Variants in SMAD6 observed in about 807,000 individuals in gnomAD.
SMAD6 encodes MAD homolog 6.
Under a neutral mutation model 39.4 loss-of-function variants are expected in SMAD6, and 103 were observed. The ratio of observed to expected loss-of-function variants is 2.62; its 90% CI spans 2.23 to 3.08. The LOEUF (loss-of-function observed/expected upper bound fraction) is 3.08, where lower values mean the gene tolerates loss of function less well. Ranked by LOEUF, SMAD6 falls within the 30% of genes most tolerant of loss-of-function variation. The probability of loss-of-function intolerance (pLI) is 0.00; values close to 1 mark genes in which losing one functional copy is unlikely to be tolerated. For synonymous variants in SMAD6, 445 were observed against 353.3 expected (o/e 1.26, Z -2.91); for missense variants, 1,104 against 742.9 (o/e 1.49, Z -5.65).
chr15:66,719,052 C>T (rs747131114), intron 3 of SMAD6, among the ~76,000 whole-genome samples: 41 of 152,214 alleles, frequency 2.7e-4, no homozygotes, highest in Non-Finnish European at 5.1e-4. Flanking sequence ...CTTTGCTAAG[C>T]GCCAGCATTC....
rs74755717 is a variant in SMAD6, at chr15:66,754,980, C to T, written c.953-26017C>T. 1.9e-3 allele frequency among the ~76,000 whole-genome samples: 288 copies of T among 152,294 alleles called. 2 individuals carry two copies. The highest frequency in any genetic ancestry group is 2.2e-3 in the Non-Finnish European group (150 of 68,032). On this transcript the variant is annotated intron_variant, in intron 3 of 3. Coordinates refer to ENST00000288840, the MANE Select transcript of SMAD6 (RefSeq NM_005585.5). ...CTTTATTCTTATCTGTAATCCCCTC[C>T]TCTACTGCTTATTTGCTGTGTGACC...
chr15:66,782,651 G>A lies in SMAD6; in HGVS notation c.*1116G>A, dbSNP rs1375402063. On this transcript the variant is annotated 3_prime_UTR_variant, in exon 4 of 4. Coordinates refer to ENST00000288840, the MANE Select transcript of SMAD6 (RefSeq NM_005585.5). ...CAAAATCAAGGTTAGAAGTTACATG[G>A]AATTGTAGGACCAGAGCCATATCAT... The A allele has an allele frequency of 1.3e-5, 2 of 152,190 alleles. No individual in the cohort carries two copies. Among genetic ancestry groups the A allele is most frequent in the Admixed American group, 6.5e-5 (1 of 15,280 alleles). 9.4% of individuals were successfully genotyped at this position (152,190 alleles called of 1,614,324 possible).
In SMAD6 at chr15:66,781,247, G is replaced by A. The variant is rs978436511; in HGVS notation, c.1203G>A (p.Trp401Ter). 3 of 1,608,464 alleles carry A rather than the reference G, an allele frequency of 1.9e-6. No homozygotes were observed. Among genetic ancestry groups the A allele is most frequent in the Admixed American group, 1.7e-5 (1 of 59,962 alleles). The part of the protein sequence containing the change: ...ILLSKEPDGV[W>*]AYNRGEHPIF... ...TCAGCAAGGAGCCCGACGGCGTGTG[G>A]GCCTACAACCGCGGCGAGCACCCCA... The change falls in exon 4 of 4, where the codon TGG becomes TGA. Residue 401 changes from tryptophan to a stop codon, truncating the protein, a stop_gained. Coordinates refer to ENST00000288840, the MANE Select transcript of SMAD6 (RefSeq NM_005585.5). LOFTEE classifies it high-confidence loss of function.
intron 3 of SMAD6, among the ~76,000 whole-genome samples, chr15:66,735,745 T>A (rs796321523): frequency 1.8e-4 from 28 of 152,320 alleles, no homozygotes; most frequent in African/African-American, 6.5e-4. Context: ...CAGCCCTTTG[T>A]TCCATGTCAG....
At position 66,747,932 on chromosome 15, in the gene SMAD6, C is replaced by T. The variant is rs1893934718; in HGVS notation, c.952+31434C>T. On this transcript the variant is annotated intron_variant, in intron 3 of 3. Coordinates refer to ENST00000288840, the MANE Select transcript of SMAD6 (RefSeq NM_005585.5). The surrounding 1 kb of genome is among the most constrained non-coding windows in gnomAD (Gnocchi z 4.5). ...CCTGAGAGCCCTTTGCACCCCACTT[C>T]TCTTTCTCCGGCATGAGGCAGTGGC... 6.6e-6 allele frequency among the ~76,000 whole-genome samples: 1 copy of T among 152,148 alleles called. No homozygotes were observed. The highest frequency in any genetic ancestry group is 1.5e-5 in the Non-Finnish European group (1 of 68,026).
At chr15:66,778,771 G>GCATTCA (rs1452306756) in intron 3 of SMAD6, among the ~76,000 whole-genome samples, 2 of 152,174 alleles carry the variant, frequency 1.3e-5, no homozygotes, top group African/African-American at 2.4e-5. Flanking sequence ...GGCGGCCCCA[G>GCATTCA]CATTCACTGG....
chr15:66,738,775 G>A (rs935182178), intron 3 of SMAD6, among the ~76,000 whole-genome samples: 1 of 152,090 alleles, frequency 6.6e-6, no homozygotes, highest in South Asian at 2.1e-4. Context: ...CTGATGGGTG[G>A]GCTGAAATGG....
intron 3 of SMAD6, among the ~76,000 whole-genome samples, chr15:66,724,142 G>A (rs1335430731): frequency 2.6e-5 from 4 of 152,210 alleles, no homozygotes; most frequent in African/African-American, 7.2e-5. Context: ...TGAATCCAGA[G>A]AGGCTGTCCT....
Position 66,738,990 on chromosome 15 carries a change from T to A in SMAD6, c.952+22492T>A, listed in dbSNP as rs184761417. Among the ~76,000 whole-genome samples the A allele has an allele frequency of 5.3e-5, 8 of 151,850 alleles. 1 individual carries two copies. In the East Asian group the frequency reaches 1.6e-3, roughly 29 times the overall value. On this transcript the variant is annotated intron_variant, in intron 3 of 3. Transcript: ENST00000288840. ...GTGTGGATCGTGCTGTCCTGCAGCCTTTTGGACACTAGAGGTGACCAGTGA... is the reference window on the plus strand; with the variant it reads ...GTGTGGATCGTGCTGTCCTGCAGCCATTTGGACACTAGAGGTGACCAGTGA...
At chr15:66,745,445 T>C (rs1002350484) in intron 3 of SMAD6, among the ~76,000 whole-genome samples, 1 of 151,996 alleles carries the variant, frequency 6.6e-6, no homozygotes, top group Non-Finnish European at 1.5e-5. Context: ...TAAACAGCTC[T>C]CAGTGGTCTT....
intron 3 of SMAD6, among the ~76,000 whole-genome samples, chr15:66,728,302 C>T (rs1893559025): frequency 6.6e-6 from 1 of 152,230 alleles, no homozygotes; most frequent in Non-Finnish European, 1.5e-5. Flanking sequence ...GTGTAGTTTT[C>T]TGGTTTTTGA....
intron 3 of SMAD6, among the ~76,000 whole-genome samples, chr15:66,753,563 C>A (rs1254373102): frequency 6.6e-6 from 1 of 152,192 alleles, no homozygotes; most frequent in African/African-American, 2.4e-5. Context: ...AAGCGACTTA[C>A]TCAAAGTCGT....
rs1208238929 is a variant in SMAD6, at chr15:66,703,837, G to C, written c.579G>C (p.Glu193Asp). The C allele has an allele frequency of 2.9e-6, 4 of 1,396,722 alleles. No homozygotes were observed. Among genetic ancestry groups the C allele is most frequent in the Non-Finnish European group, 3.8e-6 (4 of 1,063,722 alleles). 86.5% of individuals were successfully genotyped at this position (1,396,722 alleles called of 1,614,324 possible). ...AGCGCTCGCTGGACACGCTGCTGGA[G>C]GCGGTGGAGTCCCGCGGCGGCGTGC... ...LKERSLDTLLEAVESRGGVPG... is the reference protein window; with the variant it reads ...LKERSLDTLLDAVESRGGVPG... Residue 193 changes from glutamate to aspartate, a missense_variant, in exon 1 of 4, where the codon GAG (glutamate) becomes GAC (aspartate). Physicochemically the swap from Glu to Asp is conservative, Grantham distance 45. Transcript: ENST00000288840.
intron 1 of SMAD6, chr15:66,708,106 A>T (rs1404921634): frequency 1.3e-5 from 2 of 152,384 alleles, no homozygotes; most frequent in Non-Finnish European, 2.9e-5. Context: ...CTCAGGCTGG[A>T]TGTCCAAGGG....
chr15:66,777,144 A>G (rs904844068), intron 3 of SMAD6, among the ~76,000 whole-genome samples: 1 of 152,198 alleles, frequency 6.6e-6, no homozygotes, highest in Non-Finnish European at 1.5e-5. Flanking sequence ...TCACTGGATA[A>G]GATAATGTCA....
At chr15:66,752,634 A>G (rs1894027379) in intron 3 of SMAD6, among the ~76,000 whole-genome samples, 1 of 152,084 alleles carries the variant, frequency 6.6e-6, no homozygotes, top group Non-Finnish European at 1.5e-5. Context: ...AAAAAAAATA[A>G]TAATTAAAAA....
intron 3 of SMAD6, among the ~76,000 whole-genome samples, chr15:66,727,491 C>T (rs73469813): frequency 0.05 from 7,590 of 152,240 alleles, 610 homozygotes; most frequent in African/African-American, 0.17. Flanking sequence ...CAAGGTTTCA[C>T]CAGGCTTAAG....
rs532062125 is a variant in SMAD6 at position 66,722,259 on chromosome 15, G to A, written c.952+5761G>A. Among the ~76,000 whole-genome samples the A allele has an allele frequency of 1.7e-4, 26 of 152,374 alleles. No homozygotes were observed. In the South Asian group the frequency reaches 5.4e-3, roughly 32 times the overall value. On this transcript the variant is annotated intron_variant, in intron 3 of 3. Transcript: ENST00000288840. ...CGATGCTCAAGCCTGTCACGTGAGA[G>A]TGCTCATTGCCTGTGGGTCTGGGGT...
intron 3 of SMAD6, among the ~76,000 whole-genome samples, chr15:66,744,843 T>C (rs1209205380): frequency 6.6e-6 from 1 of 152,274 alleles, no homozygotes; most frequent in East Asian, 1.9e-4. Context: ...TCTGGGCTGA[T>C]TTCCTGTCCC....
Sources: gnomAD v4.1 joint callset for allele counts (sites outside exome capture counted in the v4.1 genomes callset) on GRCh38, gnomAD v4.1.1 for gene constraint, Gnocchi (gnomAD v3.1) non-coding constraint, MANE v1.5 for transcripts, NCBI Gene and HGNC (gene_info 2026-07-23, HGNC 2026-07-21) for gene names.